PPARD: variants seen among roughly 807,000 people sequenced by gnomAD.
PPARD encodes the protein peroxisome proliferator-activated receptor delta.
PPARD carries 6 observed loss-of-function variants against 39.5 expected under a neutral mutation model. The observed-to-expected ratio is 0.15, with a 90% CI of 0.08 to 0.30. The LOEUF (loss-of-function observed/expected upper bound fraction) is 0.30. Ranked by LOEUF, PPARD falls within the 10% of genes least tolerant of loss-of-function variation. The pLI is 1.00. For missense variants in PPARD, 397 were observed against 596.8 expected (o/e 0.67, Z 3.49); for synonymous variants, 210 against 231.3 (o/e 0.91, Z 0.83).
At chr6:35,377,642 G>A (rs547920267) in intron 2 of PPARD, among the ~76,000 whole-genome samples, 4 of 152,240 alleles carry the variant, frequency 2.6e-5, no homozygotes, top group East Asian at 3.9e-4. Context: ...AAATGGCAGC[G>A]TCCGGCATGC....
chr6:35,417,867 T>TA (rs1383193539), intron 3 of PPARD, among the ~76,000 whole-genome samples: 3 of 152,248 alleles, frequency 2.0e-5, no homozygotes, highest in African/African-American at 7.2e-5. Context: ...TATTTGAGGA[T>TA]AGAGTCTAGG....
intron 2 of PPARD, among the ~76,000 whole-genome samples, chr6:35,390,387 A>C (rs1345392130): frequency 6.6e-6 from 1 of 152,120 alleles, no homozygotes; most frequent in Non-Finnish European, 1.5e-5. Flanking sequence ...CCCATAAATG[A>C]TATTTTATTT....
intron 5 of PPARD, 47 bp downstream of exon 5, chr6:35,422,005 C>T: frequency 6.4e-7 from 1 of 1,553,090 alleles, no homozygotes; most frequent in Admixed American, 1.9e-5. Context: ...TCCACACAGC[C>T]TGAAACCAAG....
rs1207657060 is a variant in PPARD, at chr6:35,345,740, C to A, written c.-185-1327C>A. Among the ~76,000 whole-genome samples, 4 of 152,076 alleles carry A rather than the reference C, an allele frequency of 2.6e-5. 1 individual carries two copies. The South Asian group carries it at 8.3e-4, about 31-fold the overall frequency. ...CAGTGTAGAGCACTAGCCTGGGAAG[C>A]CATTAGGCCTCTGCTTTGGGCCTAC... is the stretch of plus-strand genomic sequence containing the variant. On this transcript the variant is annotated intron_variant, in intron 1 of 7. Coordinates refer to ENST00000360694, the MANE Select transcript of PPARD (RefSeq NM_006238.5).
At chr6:35,418,346 C>T (rs1175083080) in intron 3 of PPARD, among the ~76,000 whole-genome samples, 3 of 151,896 alleles carry the variant, frequency 2.0e-5, no homozygotes, top group Non-Finnish European at 4.4e-5. Context: ...TTATAAATGC[C>T]TCCAGGAGTG....
At chr6:35,380,371 C>T (rs1400487126) in intron 2 of PPARD, among the ~76,000 whole-genome samples, 2 of 151,560 alleles carry the variant, frequency 1.3e-5, no homozygotes, top group African/African-American at 4.8e-5. Context: ...TCTCACCTCC[C>T]TTCTAAGGAG....
At chr6:35,378,649 C>T (rs868824062) in intron 2 of PPARD, among the ~76,000 whole-genome samples, 18 of 152,136 alleles carry the variant, frequency 1.2e-4, no homozygotes, top group South Asian at 2.1e-4. Flanking sequence ...AATAAGGCTG[C>T]ACTTCTGAAA....
intron 2 of PPARD, among the ~76,000 whole-genome samples, chr6:35,384,184 C>G (rs1763395056): frequency 7.1e-6 from 1 of 140,456 alleles, no homozygotes; most frequent in African/African-American, 2.7e-5. Flanking sequence ...GCCCCTCTGC[C>G]CGGCCAGCGG....
chr6:35,421,842 G>T lies in PPARD; in HGVS notation c.308G>T (p.Arg103Leu). Residue 103 changes from arginine to leucine, a missense_variant, in exon 5 of 8, where the codon CGC (arginine) becomes CTC (leucine). Coordinates refer to ENST00000360694, the MANE Select transcript of PPARD (RefSeq NM_006238.5). ...GCKGFFRRTI[R>L]MKLEYEKCER... ...CAGGGCTTCTTCCGTCGTACGATCCGCATGAAGCTGGAGTACGAGAAGTGT... is the reference window on the plus strand; with the variant it reads ...CAGGGCTTCTTCCGTCGTACGATCCTCATGAAGCTGGAGTACGAGAAGTGT... 6.2e-7 allele frequency: 1 copy of T among 1,613,014 alleles called. No homozygotes were observed. The highest frequency in any genetic ancestry group is 8.5e-7 in the Non-Finnish European group (1 of 1,179,408).
At chr6:35,350,964 A>T (rs200040615) in intron 2 of PPARD, among the ~76,000 whole-genome samples, 1 of 49,020 alleles carries the variant, frequency 2.0e-5, no homozygotes, top group South Asian at 7.5e-4. Flanking sequence ...TTAGAATATT[A>T]TAAAACAGCA....
intron 1 of PPARD, 101 bp from the exon 2 acceptor site, chr6:35,346,966 G>GTGTA: frequency 8.8e-6 from 6 of 681,152 alleles, no homozygotes; most frequent in Admixed American, 5.8e-5. Context: ...GATTACCTTA[G>GTGTA]GAACACTCTT....
At position 35,426,556 on chromosome 6, in the gene PPARD, C is replaced by G. The variant is rs201962025; in HGVS notation, c.*477C>G. The G allele has an allele frequency of 4.4e-5, 8 of 183,822 alleles. No individual in the cohort carries two copies. Among genetic ancestry groups the G allele is most frequent in the African/African-American group, 1.9e-4 (8 of 41,854 alleles). The allele number at this position is 183,822 out of a possible 1,614,324, so 11.4% of individuals were successfully genotyped here. A position where few individuals can be genotyped will look rare whatever the true frequency, so the allele number is the denominator to read the frequency against. On this transcript the variant is annotated 3_prime_UTR_variant, in exon 8 of 8. Coordinates refer to ENST00000360694, the MANE Select transcript of PPARD (RefSeq NM_006238.5). Reference sequence around the variant, plus strand: ...CATTGCACCTGCAGGCTTAGGTCCTCACTTCTGTCTCCTGTCTTCAGAGCA... The same window carrying G: ...CATTGCACCTGCAGGCTTAGGTCCTGACTTCTGTCTCCTGTCTTCAGAGCA...
chr6:35,393,139 G>C (rs1266348173), intron 2 of PPARD, among the ~76,000 whole-genome samples: 4 of 152,128 alleles, frequency 2.6e-5, no homozygotes, highest in African/African-American at 4.8e-5. Context: ...TTGCTGTATG[G>C]GCCCTGTGGG....
chr6:35,418,660 G>A (rs1021114522), intron 3 of PPARD, among the ~76,000 whole-genome samples: 8 of 152,158 alleles, frequency 5.3e-5, no homozygotes, highest in African/African-American at 1.9e-4. Flanking sequence ...TCCCAGGCCC[G>A]AGAGATGTAG....
chr6:35,357,649 A>G (rs1264238189), intron 2 of PPARD, among the ~76,000 whole-genome samples: 1 of 149,500 alleles, frequency 6.7e-6, no homozygotes. Context: ...CAATTCTCCT[A>G]CCTCAGCCTT....
chr6:35,367,919 C>A (rs1030632631), intron 2 of PPARD, among the ~76,000 whole-genome samples: 1 of 152,226 alleles, frequency 6.6e-6, no homozygotes, highest in Non-Finnish European at 1.5e-5. Flanking sequence ...CTAGACGCCA[C>A]CTCTTGATGG....
chr6:35,385,648 A>T (rs1485414141), intron 2 of PPARD, among the ~76,000 whole-genome samples: 89 of 12,586 alleles, frequency 7.1e-3, no homozygotes, highest in South Asian at 0.056. Context: ...AATAAATTTA[A>T]AAAAAAAAAA....
In PPARD at chr6:35,392,079, A is replaced by T. The variant is rs117130374; in HGVS notation, c.-101-18908A>T. ...GAGGTGCCTTCCTTCATCCATCTGG[A>T]CTGCCCTTGGAATTCCTGGGCCAAT... On this transcript the variant is annotated intron_variant, in intron 2 of 7. Transcript: ENST00000360694. Among the ~76,000 whole-genome samples, 96 of 152,010 alleles carry T rather than the reference A, an allele frequency of 6.3e-4. No individual in the cohort carries two copies. The East Asian group carries it at 0.015, about 23-fold the overall frequency.
intron 2 of PPARD, among the ~76,000 whole-genome samples, chr6:35,408,316 C>G (rs1007363174): frequency 1.3e-5 from 2 of 152,166 alleles, no homozygotes; most frequent in Admixed American, 6.5e-5. Context: ...TGCAAGAGAG[C>G]TTGGGGAAAT....
Sources: gnomAD v4.1 joint callset for allele counts (sites outside exome capture counted in the v4.1 genomes callset) on GRCh38, gnomAD v4.1.1 for gene constraint, MANE v1.5 for transcripts, NCBI Gene and HGNC (gene_info 2026-07-23, HGNC 2026-07-21) for gene names.